KCTD14: variants seen among roughly 807,000 people sequenced by gnomAD.
KCTD14 encodes the protein potassium channel tetramerization domain containing 14.
In KCTD14, 7 loss-of-function variants were observed where a neutral mutation model predicts 5.9. That is an observed-to-expected ratio of 1.19 (90% CI 0.68 to 2.23). The LOEUF is 2.23. Ranked by LOEUF, KCTD14 falls within the 30% of genes most tolerant of loss-of-function variation. The pLI, the probability that KCTD14 is intolerant of heterozygous loss-of-function variation, is 0.00. For synonymous variants in KCTD14, 140 were observed against 133.1 expected, an observed-to-expected ratio of 1.05 and a Z score of -0.36; for missense variants, 342 against 332.2, an observed-to-expected ratio of 1.03 and a Z score of -0.23.
At chr11:78,036,335 G>A (rs1004759256) in intron 2 of KCTD14, among the ~76,000 whole-genome samples, 4 of 152,222 alleles carry the variant, frequency 2.6e-5, no homozygotes, top group Non-Finnish European at 5.9e-5. Context: ...TGGGACAAGA[G>A]GGGAGCTGAT....
upstream of KCTD14, among the ~76,000 whole-genome samples, chr11:78,024,486 A>T (rs1448467410): frequency 2.0e-5 from 3 of 150,930 alleles, no homozygotes; most frequent in Admixed American, 6.6e-5. Context: ...AATTGGTTAC[A>T]GTTAAAAAAT....
At chr11:78,035,554 G>A (rs9651742) in intron 2 of KCTD14, among the ~76,000 whole-genome samples, 3 of 151,764 alleles carry the variant, frequency 2.0e-5, no homozygotes, top group Non-Finnish European at 4.4e-5. Context: ...GTAAAGAGTC[G>A]CTTTATGGGC....
chr11:78,021,985 T>C (rs986475393), intron 1 of KCTD14, among the ~76,000 whole-genome samples: 1 of 152,158 alleles, frequency 6.6e-6, no homozygotes, highest in African/African-American at 2.4e-5. Flanking sequence ...ACCCCACTCA[T>C]CCTTCAGATG....
At chr11:78,044,990 C>T (rs779149960) in intron 1 of KCTD14, among the ~76,000 whole-genome samples, 3 of 152,120 alleles carry the variant, frequency 2.0e-5, no homozygotes, top group Non-Finnish European at 4.4e-5. Flanking sequence ...TGTTCACATG[C>T]TCATTTCAGG....
At chr11:78,036,399 G>A (rs768871366) in intron 2 of KCTD14, among the ~76,000 whole-genome samples, 1 of 152,196 alleles carries the variant, frequency 6.6e-6, no homozygotes, top group Non-Finnish European at 1.5e-5. Flanking sequence ...TTGTATGCAC[G>A]ATTGAGTTTC....
intron 1 of KCTD14, among the ~76,000 whole-genome samples, chr11:78,040,674 AT>A (rs990223019): frequency 1.6e-3 from 66 of 42,034 alleles, no homozygotes; most frequent in African/African-American, 5.5e-3. Context: ...TTATTTTATT[AT>A]TTTTTTTTTT....
chr11:78,028,164 C>A (rs1284562287), upstream of KCTD14, among the ~76,000 whole-genome samples: 1 of 152,050 alleles, frequency 6.6e-6, no homozygotes, highest in Non-Finnish European at 1.5e-5. Context: ...ATCTTCCTCC[C>A]CAAAACTCAT....
intron 1 of KCTD14, among the ~76,000 whole-genome samples, chr11:78,043,938 G>A (rs932347995): frequency 2.0e-5 from 3 of 152,152 alleles, no homozygotes; most frequent in African/African-American, 2.4e-5. Flanking sequence ...TTCAGCTGAG[G>A]CCCCAAAGGC....
At chr11:78,019,486 T>TA (rs911853332) in intron 1 of KCTD14, among the ~76,000 whole-genome samples, 1 of 152,072 alleles carries the variant, frequency 6.6e-6, no homozygotes, top group Admixed American at 6.6e-5. Flanking sequence ...TCTGGTTATG[T>TA]AAAAAAATTT....
intron 1 of KCTD14, among the ~76,000 whole-genome samples, chr11:78,018,153 G>T (rs1005521734): frequency 6.6e-6 from 1 of 152,126 alleles, no homozygotes; most frequent in Non-Finnish European, 1.5e-5. Context: ...GGAAGAGGCT[G>T]CCATGGAAGG....
chr11:78,017,119 C>A lies in KCTD14; in HGVS notation c.242G>T (p.Arg81Leu), dbSNP rs77687067. 2 of 1,614,096 alleles carry A rather than the reference C, an allele frequency of 1.2e-6. No homozygotes were observed. Among genetic ancestry groups the A allele is most frequent in the South Asian group, 1.1e-5 (1 of 91,078 alleles). The change falls in exon 2 of 2, where the codon CGC becomes CTC. Residue 81 changes from arginine to leucine, a missense_variant. Arg to Leu is a moderately radical substitution (Grantham distance 102). Coordinates refer to ENST00000353172, the MANE Select transcript of KCTD14 (RefSeq NM_023930.4). ...GATGGGTCTGAAATAGGTGCTGGGG[C>A]GGTCGATGAAGAAGCGGCCCTCCGC... ...TDAEGRFFID[R>L]PSTYFRPILD...
intron 1 of KCTD14, among the ~76,000 whole-genome samples, chr11:78,044,833 C>G (rs1858090170): frequency 6.6e-6 from 1 of 152,180 alleles, no homozygotes; most frequent in East Asian, 1.9e-4. Context: ...TCCGGTTTGA[C>G]ATTGGACTTG....
At chr11:78,025,845 C>T (rs1429419864), upstream of KCTD14, among the ~76,000 whole-genome samples, 2 of 152,000 alleles carry the variant, frequency 1.3e-5, no homozygotes, top group East Asian at 1.9e-4. Flanking sequence ...GGTTATGCGC[C>T]GTGACTTCTT....
chr11:78,021,179 C>T (rs1857293824), intron 1 of KCTD14, among the ~76,000 whole-genome samples: 1 of 151,558 alleles, frequency 6.6e-6, no homozygotes. Flanking sequence ...GTGGTGCATG[C>T]CTGTAATCCC....
intron 2 of KCTD14, among the ~76,000 whole-genome samples, chr11:78,028,663 A>C (rs1565313355): frequency 6.6e-6 from 1 of 151,390 alleles, no homozygotes; most frequent in Non-Finnish European, 1.5e-5. Context: ...ATGTGGAGCC[A>C]GGCATGGTGA....
intron 1 of KCTD14, 185 bp downstream of exon 1, chr11:78,022,975 T>A: frequency 3.7e-6 from 2 of 539,928 alleles, no homozygotes; most frequent in South Asian, 2.4e-5. Context: ...AGGAGAGTGA[T>A]CCCAGCAGGA....
chr11:78,027,660 C>T, upstream of KCTD14, among the ~76,000 whole-genome samples: 1 of 152,064 alleles, frequency 6.6e-6, no homozygotes, highest in East Asian at 1.9e-4. Context: ...CACTCCCAGT[C>T]AGACCCTGTC....
intron 1 of KCTD14, among the ~76,000 whole-genome samples, chr11:78,017,688 G>A (rs1437110292): frequency 3.3e-5 from 5 of 151,848 alleles, no homozygotes; most frequent in East Asian, 3.9e-4. Context: ...CACGTGATCC[G>A]CCTGCCTCAG....
upstream of KCTD14, among the ~76,000 whole-genome samples, chr11:78,025,057 TATATATACACACACAC>T (rs1857413890): frequency 6.8e-6 from 1 of 147,614 alleles, no homozygotes; most frequent in Non-Finnish European, 1.5e-5. Flanking sequence ...CATATGTGTG[TATATATACACACACAC>T]ATATATACAC....
Sources: gnomAD v4.1 joint callset for allele counts (sites outside exome capture counted in the v4.1 genomes callset) on GRCh38, gnomAD v4.1.1 for gene constraint, MANE v1.5 for transcripts, NCBI Gene and HGNC (gene_info 2026-07-23, HGNC 2026-07-21) for gene names.